Variants in SNX7 observed in about 807,000 individuals in gnomAD.
SNX7 encodes the protein sorting nexin-7.
Under a neutral mutation model 48.4 loss-of-function variants are expected in SNX7, and 35 were observed. That is an observed-to-expected ratio of 0.72 (90% CI 0.55 to 0.96). The LOEUF (loss-of-function observed/expected upper bound fraction) is 0.96, where lower values mean the gene tolerates loss of function less well. Ranked by LOEUF, SNX7 falls within the 40% of genes least tolerant of loss-of-function variation. The probability of loss-of-function intolerance (pLI) is 0.00; values close to 1 mark genes in which losing one functional copy is unlikely to be tolerated. For missense variants in SNX7, 553 were observed against 548.9 expected (o/e 1.01, Z -0.07); for synonymous variants, 190 against 190.2 (o/e 1.00, Z 0.01).
intron 1 of SNX7, among the ~76,000 whole-genome samples, chr1:98,674,808 G>T (rs1323677529): frequency 6.6e-6 from 1 of 152,084 alleles, no homozygotes; most frequent in Admixed American, 6.6e-5. Flanking sequence ...TATTGTTTTG[G>T]AGTAAGGATA....
intron 7 of SNX7, among the ~76,000 whole-genome samples, chr1:98,702,715 C>T (rs1015742597): frequency 2.0e-5 from 3 of 152,010 alleles, no homozygotes; most frequent in East Asian, 3.9e-4. Context: ...GAGGTGATGA[C>T]GTCTCTTGCC....
intron 7 of SNX7, among the ~76,000 whole-genome samples, chr1:98,725,460 G>T (rs12049114): frequency 6.6e-6 from 1 of 152,260 alleles, no homozygotes; most frequent in East Asian, 1.9e-4. Context: ...TCACAAGGGG[G>T]CACTGTGCCT....
At chr1:98,752,342 A>G (rs1654628767) in intron 8 of SNX7, among the ~76,000 whole-genome samples, 2 of 152,070 alleles carry the variant, frequency 1.3e-5, no homozygotes, top group South Asian at 4.1e-4. Flanking sequence ...TTAATTTGAT[A>G]TATGTGCAGG....
intron 7 of SNX7, among the ~76,000 whole-genome samples, chr1:98,727,573 A>G (rs1653252807): frequency 6.6e-6 from 1 of 152,126 alleles, no homozygotes; most frequent in Non-Finnish European, 1.5e-5. Flanking sequence ...GTAATAACGA[A>G]CTCAACTGAG....
intron 7 of SNX7, among the ~76,000 whole-genome samples, chr1:98,715,526 C>T (rs1444756088): frequency 6.6e-6 from 1 of 152,192 alleles, no homozygotes; most frequent in Non-Finnish European, 1.5e-5. Context: ...CATGCCTTAT[C>T]ATACTTTAAC....
At chr1:98,733,693 C>G (rs1417578917) in intron 7 of SNX7, among the ~76,000 whole-genome samples, 1 of 152,062 alleles carries the variant, frequency 6.6e-6, no homozygotes, top group Non-Finnish European at 1.5e-5. Context: ...TCTGTGAGGG[C>G]AAGGTCCATT....
intron 8 of SNX7, among the ~76,000 whole-genome samples, chr1:98,741,050 G>T (rs1380783119): frequency 6.6e-6 from 1 of 152,142 alleles, no homozygotes; most frequent in African/African-American, 2.4e-5. Context: ...GCAACAATCT[G>T]TCACTAACTA....
At chr1:98,697,539 TA>T (rs1651524553) in intron 5 of SNX7, among the ~76,000 whole-genome samples, 1 of 152,142 alleles carries the variant, frequency 6.6e-6, no homozygotes. Flanking sequence ...AGTCACATTT[TA>T]AAATGAAATC....
At chr1:98,734,522 C>T (rs1418662813) in intron 7 of SNX7, among the ~76,000 whole-genome samples, 2 of 152,072 alleles carry the variant, frequency 1.3e-5, no homozygotes, top group Non-Finnish European at 2.9e-5. Flanking sequence ...CTTCTAGTTT[C>T]CCAGCTTGTA....
chr1:98,688,925 GAC>G (rs1161697923), intron 2 of SNX7, among the ~76,000 whole-genome samples: 2 of 151,700 alleles, frequency 1.3e-5, no homozygotes, highest in African/African-American at 4.8e-5. Flanking sequence ...CTTTTTTCGA[GAC>G]AGAGTCTCGC....
chr1:98,729,585 A>G (rs1653382218), intron 7 of SNX7, among the ~76,000 whole-genome samples: 2 of 152,234 alleles, frequency 1.3e-5, no homozygotes, highest in South Asian at 4.1e-4. Context: ...GGATATCATC[A>G]CTGACCCCAC....
chr1:98,758,923 G>T (rs1654985176), intron 8 of SNX7, among the ~76,000 whole-genome samples: 1 of 145,278 alleles, frequency 6.9e-6, no homozygotes, highest in African/African-American at 2.5e-5. Context: ...AAAAAAATGT[G>T]TTTGTGCATA....
At chr1:98,752,375 A>G (rs931179916) in intron 8 of SNX7, among the ~76,000 whole-genome samples, 1 of 152,070 alleles carries the variant, frequency 6.6e-6, no homozygotes, top group Non-Finnish European at 1.5e-5. Flanking sequence ...ACAGGTGAAT[A>G]TTAAACATTG....
intron 6 of SNX7, among the ~76,000 whole-genome samples, 196 bp from the exon 7 acceptor site, chr1:98,701,621 C>G (rs1307958273): frequency 6.7e-6 from 1 of 150,170 alleles, no homozygotes; most frequent in Non-Finnish European, 1.5e-5. Context: ...AAAAAACCCT[C>G]TTAAATACTT....
chr1:98,737,778 C>T (rs1438590742), intron 7 of SNX7, among the ~76,000 whole-genome samples: 2 of 152,062 alleles, frequency 1.3e-5, no homozygotes, highest in Non-Finnish European at 2.9e-5. Context: ...GATGTTATAA[C>T]CTCTCAGTTA....
chr1:98,742,373 G>T (rs1316991075), intron 8 of SNX7, among the ~76,000 whole-genome samples: 1 of 152,062 alleles, frequency 6.6e-6, no homozygotes, highest in Non-Finnish European at 1.5e-5. Context: ...TATCTCACAT[G>T]TGGCATCTCA....
intron 8 of SNX7, among the ~76,000 whole-genome samples, chr1:98,756,426 T>TC (rs1654855821): frequency 7.0e-6 from 1 of 143,386 alleles, no homozygotes; most frequent in Non-Finnish European, 1.5e-5. Flanking sequence ...AGATGAGTTT[T>TC]TTTTTTTTTT....
chr1:98,674,673 G>A (rs915818840), intron 1 of SNX7, among the ~76,000 whole-genome samples: 1 of 152,232 alleles, frequency 6.6e-6, no homozygotes. Flanking sequence ...AATAAACCCC[G>A]AGTAACAACA....
intron 1 of SNX7, among the ~76,000 whole-genome samples, chr1:98,676,315 T>C (rs1257753470): frequency 1.3e-5 from 2 of 152,180 alleles, no homozygotes; most frequent in Non-Finnish European, 2.9e-5. Flanking sequence ...TACCCTCCCA[T>C]AGAGATATAA....
Sources: allele counts gnomAD v4.1 joint callset (sites outside exome capture counted in the v4.1 genomes callset), GRCh38; gene constraint gnomAD v4.1.1; transcripts MANE v1.5; gene names NCBI Gene and HGNC (gene_info 2026-07-23, HGNC 2026-07-21).